The following CSMD1 variants were observed in gnomAD, a reference collection of about 807,000 sequenced individuals.
The protein encoded by CSMD1 is CUB and sushi domain-containing protein 1.
A neutral mutation model predicts 417.5 loss-of-function variants in CSMD1; 213 were observed. That is an observed-to-expected ratio of 0.51 (90% CI 0.46 to 0.57). The LOEUF is 0.57. Among genes scored for constraint, CSMD1 ranks in the 20% least tolerant of loss-of-function variants. The pLI, the probability that CSMD1 is intolerant of heterozygous loss-of-function variation, is 0.00. For synonymous variants in CSMD1, 2,862 were observed against 1,736.8 expected (o/e 1.65, Z -16.11); for missense variants, 6,923 against 4,529.7 (o/e 1.53, Z -15.17).
chr8:3,528,743 A>G lies in CSMD1; in HGVS notation c.1345-35017T>C, dbSNP rs879581357. On this transcript the variant is annotated intron_variant, in intron 10 of 69. Transcript: ENST00000635120. ...AGGGATTGGAATAGTGAATGTTCCA[A>G]TTGCTGAGACTATTAATTTCCTGCA... Among the ~76,000 whole-genome samples, 31 of 152,226 alleles carry G rather than the reference A, an allele frequency of 2.0e-4. 1 individual carries two copies. Among genetic ancestry groups the G allele is most frequent in the Admixed American group, 1.9e-3 (29 of 15,276 alleles).
At chr8:3,633,869 G>A (rs1796904045) in intron 7 of CSMD1, among the ~76,000 whole-genome samples, 1 of 152,194 alleles carries the variant, frequency 6.6e-6, no homozygotes, top group African/African-American at 2.4e-5. Context: ...TAGACACAGA[G>A]AAGAAACCTG....
chr8:3,716,728 C>G (rs935719914), intron 6 of CSMD1, among the ~76,000 whole-genome samples: 1 of 152,156 alleles, frequency 6.6e-6, no homozygotes, highest in Non-Finnish European at 1.5e-5. Context: ...TCTCCAGCCC[C>G]TATTCAAGAT....
intron 3 of CSMD1, among the ~76,000 whole-genome samples, chr8:4,343,988 G>C (rs970943596): frequency 2.0e-5 from 3 of 152,058 alleles, no homozygotes; most frequent in African/African-American, 7.2e-5. Context: ...TAAAGCCATT[G>C]CCAATAATAC....
At chr8:3,992,198 T>C (rs904894520) in intron 5 of CSMD1, among the ~76,000 whole-genome samples, 5 of 150,688 alleles carry the variant, frequency 3.3e-5, no homozygotes, top group African/African-American at 1.2e-4. Flanking sequence ...TTTACATTCA[T>C]ATTTATTTCC....
At chr8:4,229,411 C>T (rs773103223) in intron 3 of CSMD1, among the ~76,000 whole-genome samples, 36 of 152,344 alleles carry the variant, frequency 2.4e-4, no homozygotes, top group African/African-American at 8.2e-4. Context: ...CTAGATCATA[C>T]CTACCACAAT....
chr8:4,022,662 A>C (rs1324410391), intron 4 of CSMD1, among the ~76,000 whole-genome samples: 4 of 152,124 alleles, frequency 2.6e-5, no homozygotes, highest in East Asian at 1.9e-4. Flanking sequence ...CAGGGAGAGA[A>C]ATGTGGTAGA....
At chr8:2,967,061 C>G (rs552138912) in intron 57 of CSMD1, among the ~76,000 whole-genome samples, 2 of 152,202 alleles carry the variant, frequency 1.3e-5, no homozygotes, top group East Asian at 3.9e-4. Flanking sequence ...TTTTAATAGC[C>G]TTGCTATTTG....
At chr8:4,194,790 G>A (rs558352614) in intron 3 of CSMD1, among the ~76,000 whole-genome samples, 98 of 152,004 alleles carry the variant, frequency 6.4e-4, no homozygotes, top group African/African-American at 2.1e-3. Context: ...CAACCTTCAT[G>A]AGACTCTTTG....
At chr8:3,832,863 A>G (rs565465226) in intron 5 of CSMD1, among the ~76,000 whole-genome samples, 2 of 152,362 alleles carry the variant, frequency 1.3e-5, no homozygotes, top group African/African-American at 2.4e-5. Flanking sequence ...AGAAACATCT[A>G]TTTGGAGAAT....
In CSMD1 at chr8:4,800,088, G is replaced by A. The variant is rs893459187; in HGVS notation, c.86-162530C>T. On this transcript the variant is annotated intron_variant, in intron 1 of 69. Transcript: ENST00000635120. ...AATGATATAAAATTGAATATCCTGTGTATTTTTTATATAAAGCGTATCCTT... is the reference window on the plus strand; with the variant it reads ...AATGATATAAAATTGAATATCCTGTATATTTTTTATATAAAGCGTATCCTT... Among the ~76,000 whole-genome samples the A allele has an allele frequency of 6.6e-5, 10 of 152,098 alleles. No individual in the cohort carries two copies. The East Asian group carries it at 1.7e-3, about 26-fold the overall frequency.
intron 3 of CSMD1, among the ~76,000 whole-genome samples, chr8:4,356,564 T>A (rs540350560): frequency 6.6e-6 from 1 of 152,346 alleles, no homozygotes; most frequent in South Asian, 2.1e-4. Context: ...TCATTTTAAA[T>A]GTCTGTTTCA....
intron 37 of CSMD1, among the ~76,000 whole-genome samples, chr8:3,167,146 G>A (rs747724549): frequency 2.0e-5 from 3 of 152,096 alleles, no homozygotes; most frequent in Admixed American, 6.5e-5. Flanking sequence ...TTAGCCAGGC[G>A]TGGTGGCATG....
rs567040798 is a variant in CSMD1 at position 4,016,248 on chromosome 8, C to G, written c.610+15657G>C. On this transcript the variant is annotated intron_variant, in intron 4 of 69. Transcript: ENST00000635120. ...GTGATCTCTCCATTCCCTTTGCTTT[C>G]CTGCTTGAGTAATTCATAGGTACCT... Among the ~76,000 whole-genome samples the G allele has an allele frequency of 3.3e-5, 5 of 152,142 alleles. No homozygotes were observed. In the South Asian group the frequency reaches 8.3e-4, roughly 25 times the overall value.
At chr8:4,262,074 T>TA (rs1256085769) in intron 3 of CSMD1, among the ~76,000 whole-genome samples, 6 of 152,330 alleles carry the variant, frequency 3.9e-5, no homozygotes, top group Non-Finnish European at 2.9e-5. Flanking sequence ...TGATTTTTTT[T>TA]AACCTCTAAA....
chr8:4,398,615 T>A lies in CSMD1; in HGVS notation c.415+21338A>T, dbSNP rs555498514. Among the ~76,000 whole-genome samples the A allele has an allele frequency of 4.4e-3, 671 of 152,206 alleles. 2 individuals carry two copies. Among genetic ancestry groups the A allele is most frequent in the South Asian group, 7.9e-3 (38 of 4,822 alleles). On this transcript the variant is annotated intron_variant, in intron 3 of 69. Transcript: ENST00000635120. ...TTTCACCGTGTTAGCCAGGATTGTC[T>A]CGATCTCCTGACCTCCTGATCTGCC...
At chr8:4,750,062 A>C (rs545613540) in intron 1 of CSMD1, among the ~76,000 whole-genome samples, 2 of 150,552 alleles carry the variant, frequency 1.3e-5, no homozygotes, top group East Asian at 2.1e-4. Flanking sequence ...GCTGGAGTGC[A>C]GTGGGCGATC....
chr8:4,543,649 T>G (rs958535764), intron 2 of CSMD1, among the ~76,000 whole-genome samples: 21 of 120,018 alleles, frequency 1.7e-4, no homozygotes, highest in African/African-American at 6.7e-4. Context: ...CTGGATCATA[T>G]GGGAAGGACA....
intron 2 of CSMD1, 39 bp downstream of exon 2, chr8:4,637,303 A>C: frequency 6.9e-7 from 1 of 1,450,622 alleles, no homozygotes; most frequent in Non-Finnish European, 9.6e-7. Context: ...CTGTGTATTC[A>C]AACAGTGCTA....
chr8:3,126,238 T>G (rs148962685), intron 41 of CSMD1, among the ~76,000 whole-genome samples: 1 of 152,300 alleles, frequency 6.6e-6, no homozygotes, highest in East Asian at 1.9e-4. Context: ...AAGAAATGAA[T>G]CAGTGTTGGC....
Sources: allele counts gnomAD v4.1 joint callset (sites outside exome capture counted in the v4.1 genomes callset), GRCh38; gene constraint gnomAD v4.1.1; transcripts MANE v1.5; gene names NCBI Gene and HGNC (gene_info 2026-07-23, HGNC 2026-07-21).